Variants in GTPBP2 observed in about 807,000 individuals in gnomAD.
The protein encoded by GTPBP2 is GTP-binding protein 2.
In GTPBP2, 32 loss-of-function variants were observed where a neutral mutation model predicts 63.0. That is an observed-to-expected ratio of 0.51 (90% CI 0.38 to 0.68). The LOEUF (loss-of-function observed/expected upper bound fraction) is 0.68. Among genes scored for constraint, GTPBP2 ranks in the 30% least tolerant of loss-of-function variants. The pLI is 0.00. For missense variants in GTPBP2, 492 were observed against 796.9 expected, an observed-to-expected ratio of 0.62 and a Z score of 4.61; for synonymous variants, 310 against 322.6, an observed-to-expected ratio of 0.96 and a Z score of 0.42.
upstream of GTPBP2, chr6:43,629,671 T>C: frequency 6.8e-7 from 1 of 1,462,866 alleles, no homozygotes; most frequent in Admixed American, 2.0e-5. Context: ...CAACAGGTTT[T>C]GGACCTCGAG....
rs1210393714 is a variant in GTPBP2 at position 43,625,959 on chromosome 6, G to A, written c.399-95C>T. 4 of 941,828 alleles carry A rather than the reference G, an allele frequency of 4.2e-6. No homozygotes were observed. The highest frequency in any genetic ancestry group is 6.9e-6 in the Non-Finnish European group (4 of 577,536). 58.3% of individuals were successfully genotyped at this position (941,828 alleles called of 1,614,324 possible). A position where few individuals can be genotyped will look rare whatever the true frequency, so the allele number is the denominator to read the frequency against. Reference sequence around the variant, plus strand: ...ACAGACTTCCTGCACCTCCCACAGAGCTCCCAATACCTTAGTGCACTTCCT... The same window carrying A: ...ACAGACTTCCTGCACCTCCCACAGAACTCCCAATACCTTAGTGCACTTCCT... On this transcript the variant is annotated intron_variant, in intron 3 of 11. Coordinates refer to ENST00000307126, the MANE Select transcript of GTPBP2 (RefSeq NM_019096.5). The surrounding 1 kb of genome is among the most constrained non-coding windows in gnomAD (Gnocchi z 5.1).
chr6:43,630,903 C>T (rs1269274385), upstream of GTPBP2, among the ~76,000 whole-genome samples: 29 of 116,234 alleles, frequency 2.5e-4, no homozygotes, highest in Non-Finnish European at 3.4e-4. Flanking sequence ...AACGAGACTT[C>T]GTCTCAAAAA....
rs779594125 is a variant in GTPBP2 at position 43,624,524 on chromosome 6, A to G, written c.1086T>C (p.Phe362=). The G allele has an allele frequency of 1.5e-5, 24 of 1,612,976 alleles. No homozygotes were observed. The highest frequency in any genetic ancestry group is 6.7e-5 in the East Asian group (3 of 44,856). The stretch of plus-strand genomic sequence containing the variant: ...GGTGGGCTTACTTGGGTGACTGAGC[A>G]AACTGCTGGGCAGCAGTGACGGCAT... The part of the protein sequence containing the change: ...EDDAVTAAQQ[F]AQSPNVTPIF... The change falls in exon 7 of 12, where the codon TTT becomes TTC. Residue 362 remains phenylalanine, a synonymous_variant. Coordinates refer to ENST00000307126, the MANE Select transcript of GTPBP2 (RefSeq NM_019096.5). The surrounding 1 kb of genome is among the most constrained non-coding windows in gnomAD (Gnocchi z 5.1).
Position 43,626,762 on chromosome 6 carries a change from G to A in GTPBP2, c.213+160C>T, listed in dbSNP as rs1343684944. Among the ~76,000 whole-genome samples, 4 of 151,896 alleles carry A rather than the reference G, an allele frequency of 2.6e-5. No individual in the cohort carries two copies. Among genetic ancestry groups the A allele is most frequent in the African/African-American group, 9.7e-5 (4 of 41,346 alleles). On this transcript the variant is annotated intron_variant, in intron 2 of 11. Transcript: ENST00000307126. This position sits in a 1 kb window ranked among gnomAD's most constrained non-coding sequence, Gnocchi z 4.0. ...TGTAATCCCAGCTACTTGGGAGGCT[G>A]AGGCAGGAGAATCTGAGATTGCGCC...
intron 1 of GTPBP2, 198 bp from the exon 2 acceptor site, chr6:43,627,146 C>T (rs1274853450): frequency 1.6e-6 from 1 of 622,304 alleles, no homozygotes; most frequent in Non-Finnish European, 2.5e-6. Context: ...GAAGGGAAGG[C>T]CTATAAGGAC....
At chr6:43,629,859 A>C, upstream of GTPBP2, 1 of 1,435,440 alleles carries the variant, frequency 7.0e-7, no homozygotes, top group Non-Finnish European at 9.4e-7. Context: ...ACCTTTACAT[A>C]GTAGTCACTG....
At chr6:43,628,913 C>T (rs1004264055) in intron 1 of GTPBP2, 64 bp downstream of exon 1, 37 of 1,524,024 alleles carry the variant, frequency 2.4e-5, no homozygotes, top group Non-Finnish European at 3.3e-5. Context: ...TGGGTCCCGC[C>T]TCCCTAGAGT....
At position 43,624,425 on chromosome 6, in the gene GTPBP2, G is replaced by A. The variant is rs1034991567; in HGVS notation, c.1100+85C>T. On this transcript the variant is annotated intron_variant, in intron 7 of 11. Transcript: ENST00000307126. This position sits in a 1 kb window ranked among gnomAD's most constrained non-coding sequence, Gnocchi z 5.1. ...CTAAGCCAGAACTGGTCTGGCCCTG[G>A]AGAAGTAGGATATCATGCTTCTGGG... 34 of 998,178 alleles carry A rather than the reference G, an allele frequency of 3.4e-5. No individual in the cohort carries two copies. Among genetic ancestry groups the A allele is most frequent in the Middle Eastern group, 2.0e-4 (1 of 4,900 alleles). The allele number at this position is 998,178 out of a possible 1,614,324, so 61.8% of individuals were successfully genotyped here.
chr6:43,628,470 C>CCG, intron 1 of GTPBP2: 4 of 431,910 alleles, frequency 9.3e-6, no homozygotes, highest in Non-Finnish European at 1.2e-5. Context: ...CTGGCTTAGG[C>CCG]TGTGTGTGTG....
chr6:43,622,145 T>G lies in GTPBP2; in HGVS notation c.1490A>C (p.Glu497Ala). The G allele has an allele frequency of 1.9e-6, 3 of 1,612,376 alleles. No individual in the cohort carries two copies. Among genetic ancestry groups the G allele is most frequent in the Non-Finnish European group, 2.5e-6 (3 of 1,178,520 alleles). ...CACCGAGCAGATGGTAGGATTCATCTCCGGGCTCACCATCACCATGCCCTG... is the reference window on the plus strand; with the variant it reads ...CACCGAGCAGATGGTAGGATTCATCGCCGGGCTCACCATCACCATGCCCTG... Reference protein sequence around the residue: ...LRKGMVMVSPEMNPTICSVFE... With the variant: ...LRKGMVMVSPAMNPTICSVFE... Residue 497 changes from glutamate (E) to alanine (A), a missense_variant, in exon 11 of 12, where the codon GAG (glutamate) becomes GCG (alanine). Physicochemically the swap from Glu to Ala is moderately radical, Grantham distance 107 (BLOSUM62 -1). This residue lies in a region of GTPBP2 where 400 missense variants were observed against 710.8 expected (regional missense o/e 0.56). Transcript: ENST00000307126. This position sits in a 1 kb window ranked among gnomAD's most constrained non-coding sequence, Gnocchi z 5.4.
chr6:43,628,996 G>T lies in GTPBP2; in HGVS notation c.167C>A (p.Pro56His). 6.2e-7 allele frequency: 1 copy of T among 1,613,926 alleles called. No individual in the cohort carries two copies. Among genetic ancestry groups the T allele is most frequent in the South Asian group, 1.1e-5 (1 of 91,064 alleles). The change falls in exon 1 of 12, where the codon CCC becomes CAC. Residue 56 changes from proline (P) to histidine (H), a missense_variant. By Grantham distance (77) the Pro-to-His change is moderately conservative (BLOSUM62 -2). Transcript: ENST00000307126. ...GRNRGGKANN[P>H]PYLPPEAEDG... ...GCTCACCTCGGGGGGCAAATACGGG[G>T]GGTTGTTGGCTTTGCCCCCTCTGTT...
Position 43,629,019 on chromosome 6 carries a change from G to C in GTPBP2, c.144C>G (p.Asn48Lys). The change falls in exon 1 of 12, where the codon AAC becomes AAG. Residue 48 changes from asparagine (N) to lysine (K), a missense_variant. By Grantham distance (94) the Asn-to-Lys change is moderately conservative (BLOSUM62 0). Transcript: ENST00000307126. ...GGGGGTTGTTGGCTTTGCCCCCTCT[G>C]TTCCTTCCGTTCTTCTTCTTTCCCT... ...GPKGKKKNGRNRGGKANNPPY... is the reference protein window; with the variant it reads ...GPKGKKKNGRKRGGKANNPPY... The C allele has an allele frequency of 6.2e-7, 1 of 1,613,680 alleles. No individual in the cohort carries two copies. The highest frequency in any genetic ancestry group is 1.1e-5 in the South Asian group (1 of 91,010).
intron 1 of GTPBP2, chr6:43,628,470 C>CTGTG (rs60906505): frequency 0.032 from 13,626 of 432,478 alleles, 288 homozygotes; most frequent in African/African-American, 0.065. Context: ...CTGGCTTAGG[C>CTGTG]TGTGTGTGTG....
chr6:43,622,189 G>T lies in GTPBP2; in HGVS notation c.1468-22C>A, dbSNP rs1582341311. The T allele has an allele frequency of 6.3e-7, 1 of 1,598,798 alleles. No individual in the cohort carries two copies. Among genetic ancestry groups the T allele is most frequent in the Non-Finnish European group, 8.6e-7 (1 of 1,168,512 alleles). The stretch of plus-strand genomic sequence containing the variant: ...TGCCCTGGGGAGGAACAGACCCCAG[G>T]CCCAGGAAGGGCAGCTCTAACATCA... On this transcript the variant is annotated intron_variant, in intron 10 of 11. Transcript: ENST00000307126. This position sits in a 1 kb window ranked among gnomAD's most constrained non-coding sequence, Gnocchi z 5.4.
Position 43,625,654 on chromosome 6 carries a change from G to T in GTPBP2, c.508-94C>A. The T allele has an allele frequency of 7.2e-7, 1 of 1,397,030 alleles. No homozygotes were observed. The highest frequency in any genetic ancestry group is 1.0e-6 in the Non-Finnish European group (1 of 983,056). The allele number at this position is 1,397,030 out of a possible 1,614,324, so 86.5% of individuals were successfully genotyped here. On this transcript the variant is annotated intron_variant, in intron 4 of 11. Transcript: ENST00000307126. This position sits in a 1 kb window ranked among gnomAD's most constrained non-coding sequence, Gnocchi z 5.1. ...CAGTGACGCTCCCTAGGGAGCAAGT[G>T]ATGAACTGGAAGCCCCCAGGATCCC...
Position 43,621,136 on chromosome 6 carries a change from C to A in GTPBP2, c.*478G>T, listed in dbSNP as rs538461815. 1.2e-4 allele frequency: 39 copies of A among 323,116 alleles called. No homozygotes were observed. Among genetic ancestry groups the A allele is most frequent in the South Asian group, 9.9e-4 (38 of 38,354 alleles). 20.0% of individuals were successfully genotyped at this position (323,116 alleles called of 1,614,324 possible). A position where few individuals can be genotyped will look rare whatever the true frequency, so the allele number is the denominator to read the frequency against. ...TGGGCCGCCACCACCACCAGATGGC[C>A]AAGAGCAGATAACCTTTTGTCCACA... On this transcript the variant is annotated 3_prime_UTR_variant, in exon 12 of 12. Coordinates refer to ENST00000307126, the MANE Select transcript of GTPBP2 (RefSeq NM_019096.5).
chr6:43,626,653 G>C lies in GTPBP2; in HGVS notation c.214-243C>G, dbSNP rs1240026348. Reference sequence around the variant, plus strand: ...CATGCTGGTGGATCACCAGAGGTCAGCAGTTCGAGACCAGCCTGACCAACA... The same window carrying C: ...CATGCTGGTGGATCACCAGAGGTCACCAGTTCGAGACCAGCCTGACCAACA... On this transcript the variant is annotated intron_variant, in intron 2 of 11. Coordinates refer to ENST00000307126, the MANE Select transcript of GTPBP2 (RefSeq NM_019096.5). The surrounding 1 kb of genome is among the most constrained non-coding windows in gnomAD (Gnocchi z 4.0). Among the ~76,000 whole-genome samples, 1 of 152,150 alleles carries C rather than the reference G, an allele frequency of 6.6e-6. No homozygotes were observed. Among genetic ancestry groups the C allele is most frequent in the Non-Finnish European group, 1.5e-5 (1 of 68,028 alleles).
chr6:43,627,192 C>T (rs1159479953), intron 1 of GTPBP2: 22 of 827,588 alleles, frequency 2.7e-5, no homozygotes, highest in Non-Finnish European at 3.4e-5. Flanking sequence ...GAACAGAACA[C>T]TGAATCAATC....
chr6:43,621,033 G>C lies in GTPBP2; in HGVS notation c.*581C>G, dbSNP rs1430650359. On this transcript the variant is annotated 3_prime_UTR_variant, in exon 12 of 12. Transcript: ENST00000307126. ...CTTGAGTGAAGGAAAGGGAGATAAA[G>C]CTGAGGAAGAGGCCTCAGGCCTCAG... The C allele has an allele frequency of 4.7e-6, 1 of 212,168 alleles. No individual in the cohort carries two copies. Among genetic ancestry groups the C allele is most frequent in the Non-Finnish European group, 9.7e-6 (1 of 102,720 alleles). The allele number at this position is 212,168 out of a possible 1,614,324, so 13.1% of individuals were successfully genotyped here. A position where few individuals can be genotyped will look rare whatever the true frequency, so the allele number is the denominator to read the frequency against.
Sources: allele counts gnomAD v4.1 joint callset (sites outside exome capture counted in the v4.1 genomes callset), GRCh38; gene constraint gnomAD v4.1.1; regional missense constraint gnomAD v4.1.1; non-coding constraint Gnocchi (gnomAD v3.1); transcripts MANE v1.5; gene names NCBI Gene and HGNC (gene_info 2026-07-23, HGNC 2026-07-21).